TRPM3: variants seen among roughly 807,000 people sequenced by gnomAD.
TRPM3 encodes the protein long transient receptor potential channel 3.
In TRPM3, 77 loss-of-function variants were observed where a neutral mutation model predicts 181.2. That is an observed-to-expected ratio of 0.42 (90% confidence interval 0.35 to 0.51). The LOEUF (loss-of-function observed/expected upper bound fraction) is 0.51, where lower values mean the gene tolerates loss of function less well. TRPM3 is among the 20% of genes least tolerant of loss of function. The probability of loss-of-function intolerance (pLI) is 0.01; values close to 1 mark genes in which losing one functional copy is unlikely to be tolerated. For missense variants in TRPM3, 1,759 were observed against 2,196.7 expected, an observed-to-expected ratio of 0.80 and a Z score of 3.98; for synonymous variants, 745 against 796.4, an observed-to-expected ratio of 0.94 and a Z score of 1.09.
chr9:71,123,154 T>C (rs976921522), upstream of TRPM3, among the ~76,000 whole-genome samples: 2 of 152,194 alleles, frequency 1.3e-5, no homozygotes, highest in Non-Finnish European at 2.9e-5. Flanking sequence ...CTTTCTCTTG[T>C]CTCCTATTTC....
chr9:70,992,390 C>T (rs990318454), intron 1 of TRPM3, among the ~76,000 whole-genome samples: 6 of 152,084 alleles, frequency 3.9e-5, no homozygotes, highest in African/African-American at 1.4e-4. Flanking sequence ...TCTCCTGGTC[C>T]CTCTGGGTAG....
At chr9:71,008,805 A>G (rs555600699) in intron 1 of TRPM3, among the ~76,000 whole-genome samples, 1 of 152,358 alleles carries the variant, frequency 6.6e-6, no homozygotes, top group East Asian at 1.9e-4. Context: ...AGATCACGCC[A>G]CTGAACTCCC....
At chr9:71,209,989 C>T (rs1278721978) in intron 1 of TRPM3, among the ~76,000 whole-genome samples, 1 of 152,120 alleles carries the variant, frequency 6.6e-6, no homozygotes, top group Admixed American at 6.5e-5. Flanking sequence ...TTAGGGAATC[C>T]CAAGGGTACA....
At chr9:71,124,850 A>G (rs887752721), upstream of TRPM3, among the ~76,000 whole-genome samples, 1 of 152,232 alleles carries the variant, frequency 6.6e-6, no homozygotes, top group African/African-American at 2.4e-5. Flanking sequence ...GTGACCAGGT[A>G]GTACAGAGAA....
At chr9:71,390,190 C>A (rs1199602959) in intron 1 of TRPM3, among the ~76,000 whole-genome samples, 2 of 152,046 alleles carry the variant, frequency 1.3e-5, no homozygotes, top group Admixed American at 6.6e-5. Flanking sequence ...CGGATAGATT[C>A]ATCTCACTGG....
chr9:71,217,044 G>A lies in TRPM3; in HGVS notation c.183+229609C>T, dbSNP rs562682478. On this transcript the variant is annotated intron_variant, in intron 1 of 24. Transcript: ENST00000357533. ...CGGCTCACTGCAAGCTCCGCCTCCC[G>A]GGTTCACGCCATTCTCCTGCCTCAG... Among the ~76,000 whole-genome samples, 182 of 139,478 alleles carry A rather than the reference G, an allele frequency of 1.3e-3. 1 individual carries two copies. The highest frequency in any genetic ancestry group is 2.0e-3 in the Non-Finnish European group (131 of 66,170). 91.5% of individuals were successfully genotyped at this position (139,478 alleles called of 152,430 possible).
At chr9:70,862,245 C>T (rs1339838836) in intron 3 of TRPM3, among the ~76,000 whole-genome samples, 1 of 152,094 alleles carries the variant, frequency 6.6e-6, no homozygotes, top group Non-Finnish European at 1.5e-5. Flanking sequence ...ATTCTGTCAG[C>T]TAACTAGGAA....
intron 1 of TRPM3, among the ~76,000 whole-genome samples, chr9:71,090,179 T>C (rs981508384): frequency 3.3e-5 from 5 of 151,976 alleles, no homozygotes; most frequent in Admixed American, 3.3e-4. Flanking sequence ...CCTACCTTGA[T>C]GGTGAGGGGA....
chr9:71,406,720 A>G lies in TRPM3; in HGVS notation c.183+39933T>C, dbSNP rs1038083398. Among the ~76,000 whole-genome samples the G allele has an allele frequency of 3.1e-4, 47 of 152,174 alleles. 1 individual carries two copies. The highest frequency in any genetic ancestry group is 8.5e-4 in the Admixed American group (13 of 15,264). ...TGTCATTTGCATCAGTGCCTTTAAG[A>G]ACCATAACAAGCAGTTTCCATTGGA... On this transcript the variant is annotated intron_variant, in intron 1 of 24. Transcript: ENST00000357533.
At chr9:71,078,758 T>G (rs996872540) in intron 1 of TRPM3, among the ~76,000 whole-genome samples, 3 of 152,188 alleles carry the variant, frequency 2.0e-5, no homozygotes, top group African/African-American at 4.8e-5. Flanking sequence ...AGTATAAAAT[T>G]TAGACTATGT....
intron 22 of TRPM3, among the ~76,000 whole-genome samples, chr9:70,564,554 A>G (rs578171149): frequency 6.6e-6 from 1 of 152,280 alleles, no homozygotes; most frequent in East Asian, 1.9e-4. Context: ...ATGCATATTT[A>G]GGGTATTAGA....
At chr9:70,797,204 T>C (rs1450358898) in intron 6 of TRPM3, among the ~76,000 whole-genome samples, 2 of 152,318 alleles carry the variant, frequency 1.3e-5, no homozygotes, top group African/African-American at 2.4e-5. Flanking sequence ...TTATTTATGA[T>C]AGGAGTAATT....
At chr9:70,843,987 T>A (rs2094832832) in intron 4 of TRPM3, among the ~76,000 whole-genome samples, 1 of 152,238 alleles carries the variant, frequency 6.6e-6, no homozygotes, top group African/African-American at 2.4e-5. Flanking sequence ...TTTGATTTCT[T>A]CTCCATTTGA....
chr9:70,600,039 C>T (rs970786479), intron 20 of TRPM3, among the ~76,000 whole-genome samples: 1 of 152,196 alleles, frequency 6.6e-6, no homozygotes, highest in African/African-American at 2.4e-5. Flanking sequence ...TTTTCCAGTT[C>T]CTTGCATATC....
intron 1 of TRPM3, among the ~76,000 whole-genome samples, chr9:71,320,645 G>T (rs1361443491): frequency 1.3e-5 from 2 of 151,990 alleles, no homozygotes; most frequent in African/African-American, 4.8e-5. Context: ...TCAACATGCA[G>T]CCCTCTTCTT....
chr9:70,677,124 C>T (rs1463746274), intron 9 of TRPM3, among the ~76,000 whole-genome samples: 8 of 152,054 alleles, frequency 5.3e-5, no homozygotes, highest in Admixed American at 5.2e-4. Flanking sequence ...AAAACAGGGC[C>T]AGGGTGGAAG....
chr9:71,277,264 C>A (rs2084286616), intron 1 of TRPM3, among the ~76,000 whole-genome samples: 2 of 152,212 alleles, frequency 1.3e-5, no homozygotes, highest in Admixed American at 1.3e-4. Context: ...GGCCACACCA[C>A]CCTCACGTGC....
At chr9:70,755,848 A>G (rs1033224415) in intron 8 of TRPM3, among the ~76,000 whole-genome samples, 2 of 152,218 alleles carry the variant, frequency 1.3e-5, no homozygotes, top group African/African-American at 4.8e-5. Flanking sequence ...AGGAAAAACC[A>G]GTACTAGCCA....
intron 1 of TRPM3, among the ~76,000 whole-genome samples, chr9:71,079,800 G>C (rs2063970514): frequency 6.6e-6 from 1 of 152,122 alleles, no homozygotes; most frequent in African/African-American, 2.4e-5. Context: ...CCTATATCCT[G>C]AAATGGACTT....
Sources: gnomAD v4.1 joint callset for allele counts (sites outside exome capture counted in the v4.1 genomes callset) on GRCh38, gnomAD v4.1.1 for gene constraint, MANE v1.5 for transcripts, NCBI Gene and HGNC (gene_info 2026-07-23, HGNC 2026-07-21) for gene names.